PDS5B: variants seen among roughly 807,000 people sequenced by gnomAD.
PDS5B encodes the protein PDS5 cohesin associated factor B.
In PDS5B, 51 loss-of-function variants were observed where a neutral mutation model predicts 184.1. The observed-to-expected ratio is 0.28, with a 90% CI of 0.22 to 0.35. PDS5B has a LOEUF of 0.35. Among genes scored for constraint, PDS5B ranks in the 10% least tolerant of loss-of-function variants. The pLI, the probability that PDS5B is intolerant of heterozygous loss-of-function variation, is 1.00. For synonymous variants in PDS5B, 566 were observed against 569.2 expected (o/e 0.99, Z 0.08); for missense variants, 1,180 against 1,723.3 (o/e 0.68, Z 5.58).
chr13:32,711,904 G>T (rs1048179889), intron 19 of PDS5B, among the ~76,000 whole-genome samples: 8 of 152,200 alleles, frequency 5.3e-5, no homozygotes, highest in Non-Finnish European at 1.0e-4. Context: ...TAACAATTCA[G>T]TGAAGTGCGG....
At position 32,710,118 on chromosome 13, in the gene PDS5B, T is replaced by C; in HGVS notation, c.2123+12T>C. On this transcript the variant is annotated intron_variant, in intron 19 of 34. Transcript: ENST00000315596. ...CCACACATCAGATCGTGAGTTGAGT[T>C]TATTTTCAAAAATATTCTGGACATC... 7.0e-7 allele frequency: 1 copy of C among 1,431,554 alleles called. No homozygotes were observed. The highest frequency in any genetic ancestry group is 9.3e-7 in the Non-Finnish European group (1 of 1,075,168). The allele number at this position is 1,431,554 out of a possible 1,614,324, so 88.7% of individuals were successfully genotyped here.
At chr13:32,606,672 G>C (rs1429810536) in intron 1 of PDS5B, among the ~76,000 whole-genome samples, 1 of 152,160 alleles carries the variant, frequency 6.6e-6, no homozygotes, top group East Asian at 1.9e-4. Flanking sequence ...TTTCCAACTT[G>C]GTTCCATGCT....
chr13:32,615,477 A>G (rs1267976973), intron 1 of PDS5B, among the ~76,000 whole-genome samples: 2 of 152,224 alleles, frequency 1.3e-5, no homozygotes, highest in East Asian at 3.8e-4. Context: ...TATATAAAGC[A>G]TGTGTATTGA....
chr13:32,747,354 A>AT (rs1953787220), intron 24 of PDS5B, among the ~76,000 whole-genome samples: 1 of 152,108 alleles, frequency 6.6e-6, no homozygotes, highest in Non-Finnish European at 1.5e-5. Flanking sequence ...ATATTTTTAA[A>AT]TTGCCACTTA....
At chr13:32,650,222 A>G (rs571122567) in intron 2 of PDS5B, 1 of 152,192 alleles carries the variant, frequency 6.6e-6, no homozygotes, top group African/African-American at 2.4e-5. Context: ...CTTTGTGGTT[A>G]TTGTTGGTGG....
intron 1 of PDS5B, among the ~76,000 whole-genome samples, chr13:32,629,398 G>A (rs1358652558): frequency 6.6e-6 from 1 of 151,878 alleles, no homozygotes; most frequent in African/African-American, 2.4e-5. Flanking sequence ...CCTTGTGTTG[G>A]CTACAATTCT....
chr13:32,652,345 T>G (rs1950387024), intron 3 of PDS5B: 1 of 199,040 alleles, frequency 5.0e-6, no homozygotes, highest in Admixed American at 5.3e-5. Flanking sequence ...TAATACCTAG[T>G]ATAAACATGA....
chr13:32,684,329 A>G (rs918216685), intron 11 of PDS5B, among the ~76,000 whole-genome samples: 2 of 152,260 alleles, frequency 1.3e-5, no homozygotes, highest in African/African-American at 4.8e-5. Flanking sequence ...CTGAGATACA[A>G]CTTCTCTTAT....
chr13:32,750,877 G>C (rs1261261361), intron 24 of PDS5B, among the ~76,000 whole-genome samples: 1 of 151,012 alleles, frequency 6.6e-6, no homozygotes, highest in African/African-American at 2.5e-5. Flanking sequence ...GTGTGTGTGT[G>C]TGTGTGTGTG....
At chr13:32,714,282 C>A (rs1432728859) in intron 19 of PDS5B, among the ~76,000 whole-genome samples, 2 of 152,138 alleles carry the variant, frequency 1.3e-5, no homozygotes, top group East Asian at 3.8e-4. Flanking sequence ...GTTTTGAGAT[C>A]AACCGGTCTG....
At position 32,708,651 on chromosome 13, in the gene PDS5B, C is replaced by T. The variant is rs550889752; in HGVS notation, c.1963-1295C>T. On this transcript the variant is annotated intron_variant, in intron 18 of 34. Transcript: ENST00000315596. ...ATATAATACATTTTTAAAAGATTTG[C>T]GAATCTGATAAGCAAAAATAATGTT... 4.6e-5 allele frequency among the ~76,000 whole-genome samples: 7 copies of T among 152,118 alleles called. No individual in the cohort carries two copies. The South Asian group carries it at 6.2e-4, about 14-fold the overall frequency.
chr13:32,642,302 G>T (rs552845321), intron 1 of PDS5B, among the ~76,000 whole-genome samples: 11 of 152,248 alleles, frequency 7.2e-5, no homozygotes, highest in Non-Finnish European at 1.3e-4. Context: ...TGCGATAGAT[G>T]CTAGCAGATA....
chr13:32,736,220 C>T (rs1159472184), intron 21 of PDS5B, among the ~76,000 whole-genome samples: 1 of 152,018 alleles, frequency 6.6e-6, no homozygotes, highest in Non-Finnish European at 1.5e-5. Context: ...GATTTGCCAA[C>T]ATATTTTCTC....
At chr13:32,679,649 A>T in intron 10 of PDS5B, among the ~76,000 whole-genome samples, 1 of 104,554 alleles carries the variant, frequency 9.6e-6, no homozygotes, top group East Asian at 2.7e-4. Flanking sequence ...AAAAAAAAAA[A>T]AAAAATAAAT....
chr13:32,761,713 G>A (rs145191782), intron 30 of PDS5B, among the ~76,000 whole-genome samples: 1 of 152,158 alleles, frequency 6.6e-6, no homozygotes, highest in African/African-American at 2.4e-5. Context: ...TTATTGATGG[G>A]TACCTAGGTT....
At chr13:32,746,812 AT>A (rs57281256) in intron 24 of PDS5B, among the ~76,000 whole-genome samples, 1 of 152,160 alleles carries the variant, frequency 6.6e-6, no homozygotes. Context: ...GGCTACTTAC[AT>A]TTTTTGCTGC....
chr13:32,712,894 G>A (rs1025056229), intron 19 of PDS5B, among the ~76,000 whole-genome samples: 1 of 152,114 alleles, frequency 6.6e-6, no homozygotes, highest in Admixed American at 6.5e-5. Flanking sequence ...AACTTTACGG[G>A]AACAGAAGAA....
rs575993135 is a variant in PDS5B, at chr13:32,632,464, C to T, written c.-19-16290C>T. On this transcript the variant is annotated intron_variant, in intron 1 of 34. Coordinates refer to ENST00000315596, the MANE Select transcript of PDS5B (RefSeq NM_015032.4). ...GAAAATCAAAAACATAATGAGGTTACACTGCATACCTACTAGGATGGCTAT... is the reference window on the plus strand; with the variant it reads ...GAAAATCAAAAACATAATGAGGTTATACTGCATACCTACTAGGATGGCTAT... Among the ~76,000 whole-genome samples the T allele has an allele frequency of 9.2e-5, 14 of 152,284 alleles. No individual in the cohort carries two copies. The South Asian group carries it at 2.9e-3, about 32-fold the overall frequency.
intron 1 of PDS5B, among the ~76,000 whole-genome samples, chr13:32,597,054 T>C (rs2057886608): frequency 6.6e-6 from 1 of 152,106 alleles, no homozygotes; most frequent in Non-Finnish European, 1.5e-5. Context: ...TTTTATTTTT[T>C]TGAGACAGCG....
Sources: gnomAD v4.1 joint callset for allele counts (sites outside exome capture counted in the v4.1 genomes callset) on GRCh38, gnomAD v4.1.1 for gene constraint, MANE v1.5 for transcripts, NCBI Gene and HGNC (gene_info 2026-07-23, HGNC 2026-07-21) for gene names.